DLC1: variants seen among roughly 807,000 people sequenced by gnomAD.
DLC1 encodes rho GTPase-activating protein 7.
A neutral mutation model predicts 140.3 loss-of-function variants in DLC1; 54 were observed. The ratio of observed to expected loss-of-function variants is 0.38; its 90% CI spans 0.31 to 0.48. DLC1 has a LOEUF of 0.48. Among genes scored for constraint, DLC1 ranks in the 20% least tolerant of loss-of-function variants. The pLI is 0.96. For missense variants in DLC1, 2,536 were observed against 1,907.0 expected, an observed-to-expected ratio of 1.33 and a Z score of -6.14; for synonymous variants, 986 against 728.1, an observed-to-expected ratio of 1.35 and a Z score of -5.70.
At chr8:13,124,734 C>T (rs1286475197) in intron 5 of DLC1, among the ~76,000 whole-genome samples, 4 of 152,142 alleles carry the variant, frequency 2.6e-5, no homozygotes, top group African/African-American at 9.6e-5. Context: ...TTGTAAATTC[C>T]CTAAGTTTTT....
At chr8:13,264,052 TTTTA>T (rs3065458) in intron 5 of DLC1, among the ~76,000 whole-genome samples, 32 of 143,092 alleles carry the variant, frequency 2.2e-4, no homozygotes, top group East Asian at 1.0e-3. Flanking sequence ...ATAAGAAGCT[TTTTA>T]TTTATTTATT....
intron 1 of DLC1, among the ~76,000 whole-genome samples, chr8:13,587,120 C>T (rs909924524): frequency 2.1e-5 from 3 of 140,024 alleles, no homozygotes; most frequent in Admixed American, 7.2e-5. Flanking sequence ...ATGCATGCGC[C>T]TATCCACAGA....
chr8:13,172,048 A>T (rs1162807567), intron 5 of DLC1, among the ~76,000 whole-genome samples: 1 of 152,262 alleles, frequency 6.6e-6, no homozygotes, highest in Non-Finnish European at 1.5e-5. Context: ...CGATCATTAT[A>T]ATAACCAAAA....
chr8:13,281,941 C>T (rs1423643392), intron 5 of DLC1, among the ~76,000 whole-genome samples: 1 of 152,174 alleles, frequency 6.6e-6, no homozygotes, highest in African/African-American at 2.4e-5. Flanking sequence ...CCTTGCCAGA[C>T]AGCTTTGTGA....
At chr8:13,423,671 C>G (rs1006902268) in intron 2 of DLC1, among the ~76,000 whole-genome samples, 4 of 152,128 alleles carry the variant, frequency 2.6e-5, no homozygotes, top group Non-Finnish European at 1.5e-5. Flanking sequence ...TGTGCCATTG[C>G]TGAATTTGAT....
chr8:13,443,211 G>T (rs1031423853), intron 2 of DLC1, among the ~76,000 whole-genome samples: 1 of 151,484 alleles, frequency 6.6e-6, no homozygotes. Context: ...TTGTGGGGTG[G>T]GGGGAAGGGG....
In DLC1 at chr8:13,115,424, C is replaced by T. The variant is rs80165392; in HGVS notation, c.1420+162G>A. ...CATGGGCGTGTTACCAAGGTGCTAGCTTTTGTTTTCAGCGGTGGGGGTCTT... is the reference window on the plus strand; with the variant it reads ...CATGGGCGTGTTACCAAGGTGCTAGTTTTTGTTTTCAGCGGTGGGGGTCTT... On this transcript the variant is annotated intron_variant, in intron 6 of 17. Coordinates refer to ENST00000276297, the MANE Select transcript of DLC1 (RefSeq NM_182643.3). Among the ~76,000 whole-genome samples the T allele has an allele frequency of 9.6e-3, 1,454 of 151,886 alleles. 28 individuals carry two copies. The highest frequency in any genetic ancestry group is 0.033 in the African/African-American group (1,383 of 41,450).
At chr8:13,500,309 G>C (rs1451193405) in intron 1 of DLC1, 113 bp from the exon 2 acceptor site, 1 of 402,172 alleles carries the variant, frequency 2.5e-6, no homozygotes, top group African/African-American at 2.0e-5. Context: ...ATTTTATAAA[G>C]CTTCTGTTTA....
chr8:13,500,950 G>A lies in DLC1; in HGVS notation c.-125-754C>T, dbSNP rs565489163. ...AAGTTATACATGTAGCAAGTGAGCC[G>A]AGATTCAAACTTGGTCCTGCTTCTA... On this transcript the variant is annotated intron_variant, in intron 1 of 17. Transcript: ENST00000276297. Among the ~76,000 whole-genome samples the A allele has an allele frequency of 3.3e-5, 5 of 152,272 alleles. No homozygotes were observed. In the South Asian group the frequency reaches 6.2e-4, roughly 19 times the overall value.
chr8:13,172,364 T>TTA (rs1825533190), intron 5 of DLC1, among the ~76,000 whole-genome samples: 1 of 152,216 alleles, frequency 6.6e-6, no homozygotes, highest in Non-Finnish European at 1.5e-5. Context: ...CAACAGGTAT[T>TTA]CAGTACCTTG....
intron 2 of DLC1, among the ~76,000 whole-genome samples, chr8:13,404,121 T>C (rs558590851): frequency 1.3e-5 from 2 of 152,168 alleles, no homozygotes; most frequent in African/African-American, 2.4e-5. Context: ...GGTTATTTTA[T>C]TACAAGACCT....
rs772523724 is a variant in DLC1, at chr8:13,099,889, G to T, written c.2448C>A (p.Gly816=). The change falls in exon 9 of 18, where the codon GGC becomes GGA. Residue 816 remains glycine (G), a synonymous_variant. Coordinates refer to ENST00000276297, the MANE Select transcript of DLC1 (RefSeq NM_182643.3). The stretch of plus-strand genomic sequence containing the variant: ...CATTGGTGAGAGCTTTGGGGAAAGT[G>T]CCAGGCTTGTGATCTTCAGGGATGT... ...VFYIPEDHKP[G]TFPKALTNGS... 3.3e-5 allele frequency: 54 copies of T among 1,614,056 alleles called. No homozygotes were observed. The highest frequency in any genetic ancestry group is 6.6e-5 in the South Asian group (6 of 91,094).
chr8:13,298,793 T>C (rs1323019590), intron 5 of DLC1, among the ~76,000 whole-genome samples: 2 of 152,192 alleles, frequency 1.3e-5, no homozygotes, highest in Non-Finnish European at 2.9e-5. Context: ...CGGGGAAAGC[T>C]GGACCCCAAA....
chr8:13,191,577 C>T (rs1192434980), intron 5 of DLC1, among the ~76,000 whole-genome samples: 1 of 152,188 alleles, frequency 6.6e-6, no homozygotes, highest in African/African-American at 2.4e-5. Flanking sequence ...GCACTGAAGA[C>T]AGTATTTAAG....
chr8:13,478,040 G>A (rs146197737), intron 2 of DLC1, among the ~76,000 whole-genome samples: 3 of 152,244 alleles, frequency 2.0e-5, no homozygotes, highest in East Asian at 1.9e-4. Context: ...AGAGAACACC[G>A]TCCATGTATT....
intron 4 of DLC1, among the ~76,000 whole-genome samples, chr8:13,349,259 C>T (rs552982647): frequency 2.6e-5 from 4 of 151,882 alleles, no homozygotes; most frequent in Non-Finnish European, 5.9e-5. Context: ...TGAAGACCAT[C>T]GTTATATGTT....
At chr8:13,563,135 T>C (rs1804301311) in intron 1 of DLC1, among the ~76,000 whole-genome samples, 1 of 152,198 alleles carries the variant, frequency 6.6e-6, no homozygotes, top group Admixed American at 6.5e-5. Context: ...ATAAAAATTA[T>C]TTGTACTTCG....
intron 4 of DLC1, among the ~76,000 whole-genome samples, chr8:13,307,268 G>C (rs1832483630): frequency 6.6e-6 from 1 of 152,050 alleles, no homozygotes; most frequent in African/African-American, 2.4e-5. Flanking sequence ...ATGGCAGCTT[G>C]GGGGATCAGG....
chr8:13,590,533 A>G (rs1441769848), intron 1 of DLC1, among the ~76,000 whole-genome samples: 2 of 152,092 alleles, frequency 1.3e-5, no homozygotes, highest in East Asian at 1.9e-4. Flanking sequence ...AGTGTTTTCT[A>G]TAGAAAATCC....
Sources: gnomAD v4.1 joint callset for allele counts (sites outside exome capture counted in the v4.1 genomes callset) on GRCh38, gnomAD v4.1.1 for gene constraint, MANE v1.5 for transcripts, NCBI Gene and HGNC (gene_info 2026-07-23, HGNC 2026-07-21) for gene names.